The following IFT56 variants were observed in gnomAD, a reference collection of about 807,000 sequenced individuals.
The protein encoded by IFT56 is intraflagellar transport 56.
chr7:139,164,031 G>C, the IFT56 span, among the ~76,000 whole-genome samples: 1 of 152,196 alleles, frequency 6.6e-6, no homozygotes, highest in South Asian at 2.1e-4. Context: ...TTGTTTGTTT[G>C]TTTTGATTTC....
At chr7:139,171,196 C>G in the IFT56 span, among the ~76,000 whole-genome samples, 1 of 152,040 alleles carries the variant, frequency 6.6e-6, no homozygotes, top group East Asian at 1.9e-4. Flanking sequence ...TTGAAGAGGA[C>G]ACACAAAAAA....
the IFT56 span, among the ~76,000 whole-genome samples, chr7:139,163,289 C>T: frequency 2.0e-5 from 3 of 147,366 alleles, no homozygotes; most frequent in African/African-American, 7.6e-5. Flanking sequence ...TTGCAGTGAG[C>T]GAAGATCGCG....
the IFT56 span, among the ~76,000 whole-genome samples, chr7:139,176,642 C>T: frequency 6.6e-6 from 1 of 152,318 alleles, no homozygotes; most frequent in East Asian, 1.9e-4. Flanking sequence ...TACTGGTTGT[C>T]TATGCCTGGC....
chr7:139,189,984 A>T, the IFT56 span: 9 of 152,444 alleles, frequency 5.9e-5, no homozygotes, highest in Admixed American at 4.6e-4. Flanking sequence ...GGATAGATTT[A>T]TGGGATTACT....
chr7:139,174,756 C>T, the IFT56 span, among the ~76,000 whole-genome samples: 3 of 152,296 alleles, frequency 2.0e-5, no homozygotes, highest in African/African-American at 4.8e-5. Context: ...TGCCGTGGCT[C>T]ACACCTGTAA....
chr7:139,172,257 A>G, the IFT56 span, among the ~76,000 whole-genome samples: 6 of 152,232 alleles, frequency 3.9e-5, no homozygotes, highest in African/African-American at 1.4e-4. Context: ...CTGTGGACCC[A>G]GTTGCTTTTT....
At chr7:139,142,327 A>AT in the IFT56 span, 16 of 1,604,312 alleles carry the variant, frequency 1.0e-5, no homozygotes, top group Non-Finnish European at 1.4e-5. Context: ...CTCATTTCAC[A>AT]TTTTTTTGTT....
chr7:139,187,724 G>C, the IFT56 span, among the ~76,000 whole-genome samples: 1 of 152,094 alleles, frequency 6.6e-6, no homozygotes, highest in African/African-American at 2.4e-5. Context: ...TCATTTTGTA[G>C]AATCAGATAA....
chr7:139,146,283 G>A, the IFT56 span, among the ~76,000 whole-genome samples: 2 of 152,000 alleles, frequency 1.3e-5, no homozygotes, highest in Non-Finnish European at 2.9e-5. Flanking sequence ...TAATATTTGC[G>A]GCAGCCATCT....
the IFT56 span, chr7:139,190,653 C>G: frequency 1.3e-5 from 2 of 152,192 alleles, no homozygotes; most frequent in African/African-American, 4.8e-5. Context: ...GAGGGAATCT[C>G]CTAATGGCTA....
the IFT56 span, among the ~76,000 whole-genome samples, chr7:139,154,941 GTCTTTA>G: frequency 3.2e-4 from 48 of 152,162 alleles, no homozygotes; most frequent in Middle Eastern, 3.4e-3. Flanking sequence ...ATAACATTAA[GTCTTTA>G]AATCCATTCA....
At chr7:139,134,564 G>C in the IFT56 span, 2 of 1,412,692 alleles carry the variant, frequency 1.4e-6, no homozygotes, top group Admixed American at 2.4e-5. Context: ...CACTGTGCCC[G>C]GCCTTGACTT....
chr7:139,134,691 G>A, the IFT56 span: 8 of 1,613,922 alleles, frequency 5.0e-6, no homozygotes, highest in African/African-American at 2.7e-5. Flanking sequence ...AGGCAGAGGC[G>A]TACAGCACAC....
At chr7:139,182,042 G>T in the IFT56 span, among the ~76,000 whole-genome samples, 1 of 151,844 alleles carries the variant, frequency 6.6e-6, no homozygotes, top group African/African-American at 2.4e-5. Context: ...GAATAAAAAA[G>T]TAGTCAGATT....
At chr7:139,147,393 G>C in the IFT56 span, 1 of 920,484 alleles carries the variant, frequency 1.1e-6, no homozygotes, top group Non-Finnish European at 1.6e-6. Context: ...ACCACTATGT[G>C]TTCAAATCTG....
the IFT56 span, chr7:139,165,066 T>C: frequency 7.5e-7 from 1 of 1,332,834 alleles, no homozygotes; most frequent in East Asian, 2.5e-5. Context: ...GCCAGCTCCT[T>C]AAACATTGTC....
the IFT56 span, among the ~76,000 whole-genome samples, chr7:139,162,909 A>G: frequency 6.6e-6 from 1 of 151,930 alleles, no homozygotes; most frequent in African/African-American, 2.4e-5. Flanking sequence ...CAGTGAGCCA[A>G]GATTGCACCA....
chr7:139,181,280 C>A, the IFT56 span: 1 of 1,064,952 alleles, frequency 9.4e-7, no homozygotes, highest in Non-Finnish European at 1.4e-6. Flanking sequence ...GGAAAATGTC[C>A]TGCAGACTAA....
At chr7:139,133,835 G>A in the IFT56 span, 1 of 1,614,190 alleles carries the variant, frequency 6.2e-7, no homozygotes, top group South Asian at 1.1e-5. Flanking sequence ...TGTGTGGTGG[G>A]GACTCACAAG....
Sources: gnomAD v4.1 joint callset for allele counts (sites outside exome capture counted in the v4.1 genomes callset) on GRCh38, gnomAD v4.1.1 for gene constraint, MANE v1.5 for transcripts, NCBI Gene and HGNC (gene_info 2026-07-23, HGNC 2026-07-21) for gene names.